Variants in ADGRB3 observed in about 807,000 individuals in gnomAD.
ADGRB3 encodes the protein brain-specific angiogenesis inhibitor 3.
In ADGRB3, 37 loss-of-function variants were observed where a neutral mutation model predicts 193.4. That is an observed-to-expected ratio of 0.19 (90% confidence interval 0.15 to 0.25). ADGRB3 has a LOEUF of 0.25. ADGRB3 is among the 10% of genes least tolerant of loss of function. The pLI is 1.00. For synonymous variants in ADGRB3, 690 were observed against 644.2 expected, an observed-to-expected ratio of 1.07 and a Z score of -1.08; for missense variants, 1,637 against 1,852.9, an observed-to-expected ratio of 0.88 and a Z score of 2.14.
intron 3 of ADGRB3, among the ~76,000 whole-genome samples, chr6:68,902,905 A>T (rs1766437413): frequency 6.6e-6 from 1 of 152,148 alleles, no homozygotes; most frequent in Non-Finnish European, 1.5e-5. Flanking sequence ...GTTTTATTTC[A>T]TTGCAACTTC....
intron 17 of ADGRB3, among the ~76,000 whole-genome samples, chr6:69,196,380 G>A (rs142480357): frequency 6.6e-6 from 1 of 152,194 alleles, no homozygotes; most frequent in East Asian, 1.9e-4. Flanking sequence ...GGTTTGCATG[G>A]CTTAGACAAC....
intron 3 of ADGRB3, among the ~76,000 whole-genome samples, chr6:68,785,223 G>A (rs1039238511): frequency 3.9e-5 from 6 of 151,924 alleles, no homozygotes; most frequent in Non-Finnish European, 8.8e-5. Flanking sequence ...TGTTACATAT[G>A]TATGCATGGG....
intron 11 of ADGRB3, among the ~76,000 whole-genome samples, chr6:69,010,459 T>TA (rs978269135): frequency 1.3e-5 from 2 of 152,038 alleles, no homozygotes; most frequent in East Asian, 1.9e-4. Flanking sequence ...CAGCCAGTCA[T>TA]AAAAAAATAT....
At chr6:69,352,196 G>A (rs1046905003) in intron 26 of ADGRB3, among the ~76,000 whole-genome samples, 10 of 151,998 alleles carry the variant, frequency 6.6e-5, no homozygotes, top group East Asian at 1.9e-4. Context: ...ACCAATTTTC[G>A]ATTACTAATG....
At chr6:68,970,873 G>A (rs1768541049) in intron 8 of ADGRB3, among the ~76,000 whole-genome samples, 1 of 152,176 alleles carries the variant, frequency 6.6e-6, no homozygotes, top group African/African-American at 2.4e-5. Context: ...AGTAAGATAA[G>A]GATGACTAGA....
chr6:68,776,861 T>C (rs960053458), intron 3 of ADGRB3, among the ~76,000 whole-genome samples: 6 of 152,094 alleles, frequency 3.9e-5, no homozygotes, highest in Non-Finnish European at 7.4e-5. Flanking sequence ...CAAAAAGGAA[T>C]CCTTAAACCT....
intron 3 of ADGRB3, among the ~76,000 whole-genome samples, chr6:68,837,775 CCT>C (rs1768073414): frequency 6.6e-6 from 1 of 152,106 alleles, no homozygotes; most frequent in African/African-American, 2.4e-5. Flanking sequence ...GCCAAGATTC[CCT>C]CTGAGTGGAT....
intron 3 of ADGRB3, among the ~76,000 whole-genome samples, chr6:68,784,398 T>G (rs760136455): frequency 3.3e-5 from 5 of 152,126 alleles, no homozygotes; most frequent in Admixed American, 6.6e-5. Context: ...TATCTCTCAT[T>G]GTTTTGTCAC....
intron 17 of ADGRB3, among the ~76,000 whole-genome samples, chr6:69,215,242 C>A (rs1327899854): frequency 6.6e-6 from 1 of 152,048 alleles, no homozygotes; most frequent in African/African-American, 2.4e-5. Flanking sequence ...CTAATTTTAA[C>A]TTTATAACAT....
chr6:69,303,927 A>G (rs779895226), intron 20 of ADGRB3, among the ~76,000 whole-genome samples: 16 of 151,932 alleles, frequency 1.1e-4, no homozygotes, highest in Non-Finnish European at 2.4e-4. Context: ...TTGACCACAG[A>G]GTGCTTTCTA....
intron 17 of ADGRB3, among the ~76,000 whole-genome samples, chr6:69,097,215 G>A (rs919637432): frequency 6.6e-6 from 1 of 152,172 alleles, no homozygotes; most frequent in African/African-American, 2.4e-5. Context: ...CTCAGGTCGA[G>A]CTATACATGA....
intron 3 of ADGRB3, among the ~76,000 whole-genome samples, chr6:68,777,390 T>TA (rs1471732251): frequency 2.7e-5 from 4 of 150,712 alleles, no homozygotes; most frequent in African/African-American, 9.9e-5. Context: ...TAGAAATATA[T>TA]TTTTTTTGGC....
intron 3 of ADGRB3, among the ~76,000 whole-genome samples, chr6:68,798,596 T>C (rs554078172): frequency 1.6e-4 from 24 of 152,154 alleles, no homozygotes; most frequent in African/African-American, 5.5e-4. Flanking sequence ...GACAGGTTGA[T>C]GGGTGCAGCA....
At chr6:68,789,553 G>T (rs1427054571) in intron 3 of ADGRB3, among the ~76,000 whole-genome samples, 2 of 152,138 alleles carry the variant, frequency 1.3e-5, no homozygotes, top group African/African-American at 2.4e-5. Context: ...TCCCTTTGTG[G>T]GTAATCCGAC....
chr6:69,060,206 G>GTCTCTCTCTTTCTC (rs1408980790), intron 15 of ADGRB3, among the ~76,000 whole-genome samples: 2 of 69,724 alleles, frequency 2.9e-5, no homozygotes, highest in African/African-American at 1.5e-4. Context: ...CTCTTTCTCT[G>GTCTCTCTCTTTCTC]TCTCTCTCTC....
At chr6:68,929,920 C>A (rs1195861303) in intron 3 of ADGRB3, among the ~76,000 whole-genome samples, 2 of 151,064 alleles carry the variant, frequency 1.3e-5, no homozygotes, top group East Asian at 3.9e-4. Context: ...ATAAATATAA[C>A]TTTTAAAAGA....
intron 20 of ADGRB3, among the ~76,000 whole-genome samples, chr6:69,321,239 A>G (rs1476524196): frequency 6.6e-6 from 1 of 151,806 alleles, no homozygotes; most frequent in Admixed American, 6.6e-5. Flanking sequence ...TGTTAGGTAA[A>G]AACAGTGCTC....
In ADGRB3 at chr6:69,233,260, G is replaced by T. The variant is rs781615276; in HGVS notation, c.2481-30G>T. On this transcript the variant is annotated intron_variant, in intron 17 of 31. Transcript: ENST00000370598. The stretch of plus-strand genomic sequence containing the variant: ...TTTGGCTATCAGGCGTATTTATCCC[G>T]ATTTCCTCCCCCCTCACTCCCCTTT... 9 of 1,608,394 alleles carry T rather than the reference G, an allele frequency of 5.6e-6. 1 individual carries two copies. The African/African-American group carries it at 6.7e-5, about 12-fold the overall frequency.
At chr6:68,861,034 G>A (rs1350744564) in intron 3 of ADGRB3, among the ~76,000 whole-genome samples, 1 of 152,102 alleles carries the variant, frequency 6.6e-6, no homozygotes, top group Non-Finnish European at 1.5e-5. Flanking sequence ...CACCACAGAT[G>A]GATCTTATTT....
Sources: gnomAD v4.1 joint callset for allele counts (sites outside exome capture counted in the v4.1 genomes callset) on GRCh38, gnomAD v4.1.1 for gene constraint, MANE v1.5 for transcripts, NCBI Gene and HGNC (gene_info 2026-07-23, HGNC 2026-07-21) for gene names.